Variants in CDC42BPA observed in about 807,000 individuals in gnomAD.
The protein encoded by CDC42BPA is CDC42 binding protein kinase alpha, also known as serine/threonine-protein kinase MRCK alpha.
Under a neutral mutation model 223.5 loss-of-function variants are expected in CDC42BPA, and 80 were observed. That is an observed-to-expected ratio of 0.36 (90% CI 0.30 to 0.43). CDC42BPA has a LOEUF of 0.43. Ranked by LOEUF, CDC42BPA falls within the 20% of genes least tolerant of loss-of-function variation. The pLI is 1.00. For synonymous variants in CDC42BPA, 694 were observed against 718.6 expected, an observed-to-expected ratio of 0.97 and a Z score of 0.55; for missense variants, 1,743 against 2,099.9, an observed-to-expected ratio of 0.83 and a Z score of 3.32.
At chr1:227,224,763 G>A (rs1171635965) in intron 2 of CDC42BPA, among the ~76,000 whole-genome samples, 1 of 152,272 alleles carries the variant, frequency 6.6e-6, no homozygotes, top group Middle Eastern at 3.4e-3. Context: ...CCTTTTCTAT[G>A]TCTTTTCAAC....
chr1:227,211,440 AC>A (rs1410008570), intron 3 of CDC42BPA, among the ~76,000 whole-genome samples: 4 of 152,194 alleles, frequency 2.6e-5, no homozygotes, highest in African/African-American at 9.6e-5. Flanking sequence ...TCAAAAAGAT[AC>A]CTGTACTTAT....
intron 9 of CDC42BPA, among the ~76,000 whole-genome samples, chr1:227,140,088 G>A (rs1418077218): frequency 6.6e-6 from 1 of 152,172 alleles, no homozygotes; most frequent in Non-Finnish European, 1.5e-5. Flanking sequence ...AGGTGAAACA[G>A]TAGTAGTCAA....
At chr1:227,306,295 C>T (rs1692535579) in intron 1 of CDC42BPA, among the ~76,000 whole-genome samples, 1 of 152,024 alleles carries the variant, frequency 6.6e-6, no homozygotes, top group Non-Finnish European at 1.5e-5. Context: ...GATCCAGGAA[C>T]GTAACCCATT....
At chr1:227,041,379 G>C (rs1425463040) in intron 23 of CDC42BPA, among the ~76,000 whole-genome samples, 2 of 151,848 alleles carry the variant, frequency 1.3e-5, no homozygotes, top group African/African-American at 2.4e-5. Flanking sequence ...TTTGAATTTT[G>C]CTATTTTTTT....
intron 2 of CDC42BPA, among the ~76,000 whole-genome samples, chr1:227,241,609 T>G (rs1280244576): frequency 6.6e-6 from 1 of 152,126 alleles, no homozygotes; most frequent in Non-Finnish European, 1.5e-5. Flanking sequence ...TATATGAAAT[T>G]TTCAAACAGT....
intron 10 of CDC42BPA, among the ~76,000 whole-genome samples, chr1:227,135,847 CTG>C (rs1288227522): frequency 2.2e-5 from 2 of 90,274 alleles, no homozygotes; most frequent in Non-Finnish European, 4.2e-5. Context: ...GAGCGAGACT[CTG>C]TCTCCCAAAA....
rs758208754 is a variant in CDC42BPA at position 227,074,024 on chromosome 1, T to C, written c.2587-12A>G. Reference sequence around the variant, plus strand: ...TTCCAGGGCATATCCTATGAAATAATGACTGTGTTTTTAGTTCCATCCTAT... The same window carrying C: ...TTCCAGGGCATATCCTATGAAATAACGACTGTGTTTTTAGTTCCATCCTAT... On this transcript the variant is annotated splice_polypyrimidine_tract_variant and intron_variant, in intron 18 of 36. Transcript: ENST00000366766. 33 of 1,606,966 alleles carry C rather than the reference T, an allele frequency of 2.1e-5. No homozygotes were observed. The highest frequency in any genetic ancestry group is 2.8e-5 in the Non-Finnish European group (33 of 1,178,126).
intron 8 of CDC42BPA, among the ~76,000 whole-genome samples, 154 bp downstream of exon 8, chr1:227,145,335 T>C (rs764882203): frequency 2.8e-4 from 43 of 152,328 alleles, no homozygotes; most frequent in Admixed American, 5.9e-4. Context: ...TTAATTTGAT[T>C]TGTGACAGAA....
chr1:226,997,310 T>G (rs181675871), intron 35 of CDC42BPA, among the ~76,000 whole-genome samples: 1 of 152,330 alleles, frequency 6.6e-6, no homozygotes, highest in Non-Finnish European at 1.5e-5. Context: ...ATCTCCCCTT[T>G]ATCATTTTTT....
At chr1:227,145,354 A>G (rs6675599) in intron 8 of CDC42BPA, 135 bp downstream of exon 8, 551,602 of 637,290 alleles carry the variant, frequency 0.87, 239,497 homozygotes, top group Middle Eastern at 0.93. Context: ...AATAAGCACC[A>G]GAAGCCATGA....
intron 18 of CDC42BPA, 88 bp downstream of exon 18, chr1:227,074,167 AAACT>A: frequency 7.6e-7 from 1 of 1,319,868 alleles, no homozygotes; most frequent in East Asian, 2.4e-5. Context: ...AAGTCTAAAC[AAACT>A]GATATAAGTA....
intron 14 of CDC42BPA, among the ~76,000 whole-genome samples, chr1:227,106,552 T>C (rs991542679): frequency 6.6e-6 from 1 of 152,212 alleles, no homozygotes; most frequent in Non-Finnish European, 1.5e-5. Flanking sequence ...TTCAGGGTAA[T>C]GCCAGCTTCA....
rs1218607366 is a variant in CDC42BPA, at chr1:226,991,450, G to C, written c.*2818C>G. On this transcript the variant is annotated 3_prime_UTR_variant, in exon 37 of 37. Transcript: ENST00000366766. ...GGAGGTAACAGGCTTCATATTTAAGGGTGGGATAAACCCAGTAGGATGACC... is the reference window on the plus strand; with the variant it reads ...GGAGGTAACAGGCTTCATATTTAAGCGTGGGATAAACCCAGTAGGATGACC... 15 of 152,144 alleles carry C rather than the reference G, an allele frequency of 9.9e-5. No homozygotes were observed. The highest frequency in any genetic ancestry group is 9.8e-4 in the Admixed American group (15 of 15,270). 9.4% of individuals were successfully genotyped at this position (152,144 alleles called of 1,614,324 possible).
intron 3 of CDC42BPA, among the ~76,000 whole-genome samples, chr1:227,202,892 C>T (rs1482103195): frequency 1.3e-5 from 2 of 151,972 alleles, no homozygotes; most frequent in Admixed American, 6.6e-5. Flanking sequence ...ATCACACCAT[C>T]GCACTCTAAC....
intron 2 of CDC42BPA, among the ~76,000 whole-genome samples, chr1:227,215,832 T>C (rs971289287): frequency 1.3e-5 from 2 of 152,206 alleles, no homozygotes; most frequent in African/African-American, 4.8e-5. Flanking sequence ...ATGACAAATA[T>C]ATTCACATAG....
intron 11 of CDC42BPA, among the ~76,000 whole-genome samples, chr1:227,123,144 A>G (rs923110946): frequency 1.3e-5 from 2 of 152,174 alleles, no homozygotes; most frequent in African/African-American, 4.8e-5. Context: ...CTCTACTAGT[A>G]TTACAACAAT....
intron 5 of CDC42BPA, among the ~76,000 whole-genome samples, chr1:227,168,345 A>G (rs1339975314): frequency 6.6e-6 from 1 of 152,092 alleles, no homozygotes; most frequent in Non-Finnish European, 1.5e-5. Flanking sequence ...TTTTCTAATG[A>G]GAATTCATCT....
At chr1:227,287,315 T>A (rs1026616849) in intron 1 of CDC42BPA, among the ~76,000 whole-genome samples, 2 of 152,328 alleles carry the variant, frequency 1.3e-5, no homozygotes, top group Admixed American at 1.3e-4. Context: ...ATGGCTGGCA[T>A]CTGGGAACTT....
chr1:227,273,060 A>C (rs1213656881), intron 1 of CDC42BPA, among the ~76,000 whole-genome samples: 1 of 151,950 alleles, frequency 6.6e-6, no homozygotes, highest in South Asian at 2.1e-4. Flanking sequence ...TGGGAGGCCA[A>C]GGTGGGTGGA....
Sources: allele counts gnomAD v4.1 joint callset (sites outside exome capture counted in the v4.1 genomes callset), GRCh38; gene constraint gnomAD v4.1.1; transcripts MANE v1.5; gene names NCBI Gene and HGNC (gene_info 2026-07-23, HGNC 2026-07-21).